BMERB1: variants seen among roughly 807,000 people sequenced by gnomAD.
The protein encoded by BMERB1 is bMERB domain-containing protein 1.
BMERB1 carries 12 observed loss-of-function variants against 23.6 expected under a neutral mutation model. The observed-to-expected ratio is 0.51, with a 90% CI of 0.33 to 0.82. The LOEUF (loss-of-function observed/expected upper bound fraction) is 0.82. Ranked by LOEUF, BMERB1 falls within the 40% of genes least tolerant of loss-of-function variation. BMERB1 has a pLI of 0.03. For synonymous variants in BMERB1, 122 were observed against 96.6 expected (o/e 1.26, Z -1.54); for missense variants, 247 against 255.4 (o/e 0.97, Z 0.22).
At chr16:15,448,507 T>C (rs2051010858) in intron 1 of BMERB1, among the ~76,000 whole-genome samples, 1 of 152,154 alleles carries the variant, frequency 6.6e-6, no homozygotes, top group Admixed American at 6.6e-5. Flanking sequence ...GTTAAAAATA[T>C]CAGCATCCAG....
At position 15,581,326 on chromosome 16, in the gene BMERB1, G is replaced by A. The variant is rs750705222; in HGVS notation, c.414G>A (p.Arg138=). 2.5e-6 allele frequency: 4 copies of A among 1,613,322 alleles called. No individual in the cohort carries two copies. Among genetic ancestry groups the A allele is most frequent in the South Asian group, 1.1e-5 (1 of 90,920 alleles). Residue 138 remains arginine (R), a synonymous_variant, in exon 4 of 6, where the codon CGG becomes CGA. Transcript: ENST00000300006. The part of the protein sequence containing the change: ...DFLVDDAEVE[R]LREQEEDKEM... ...TGGTGGACGATGCGGAGGTCGAGCG[G>A]TTAAGGTGAGTGCACTGCGGGTACC...
At position 15,434,775 on chromosome 16, in the gene BMERB1, G is replaced by C; in HGVS notation, c.106+16G>C. 1.9e-6 allele frequency: 1 copy of C among 531,494 alleles called. No homozygotes were observed. Among genetic ancestry groups the C allele is most frequent in the South Asian group, 1.7e-5 (1 of 58,342 alleles). The allele number at this position is 531,494 out of a possible 1,614,324, so 32.9% of individuals were successfully genotyped here. On this transcript the variant is annotated intron_variant, in intron 1 of 5. Transcript: ENST00000300006. ...CTGGGGAGAAGTGAGTACTGGGGCGGGGGGCGGGGGGCCGGGGACAGCTGG... is the reference window on the plus strand; with the variant it reads ...CTGGGGAGAAGTGAGTACTGGGGCGCGGGGCGGGGGGCCGGGGACAGCTGG...
At chr16:15,437,607 C>G (rs549753508) in intron 1 of BMERB1, among the ~76,000 whole-genome samples, 5 of 152,120 alleles carry the variant, frequency 3.3e-5, no homozygotes, top group African/African-American at 1.2e-4. Context: ...ACCCAATTTA[C>G]AGCAGTTTCA....
At chr16:15,521,149 G>C (rs149497483) in intron 2 of BMERB1, among the ~76,000 whole-genome samples, 1 of 152,304 alleles carries the variant, frequency 6.6e-6, no homozygotes, top group South Asian at 2.1e-4. Flanking sequence ...GCTGCAGCAC[G>C]CAATTAAAAT....
intron 2 of BMERB1, among the ~76,000 whole-genome samples, chr16:15,541,599 A>ATTT (rs962962059): frequency 1.1e-4 from 10 of 87,878 alleles, no homozygotes; most frequent in African/African-American, 3.9e-4. Flanking sequence ...CTAATTTTTA[A>ATTT]TTTTTTTTTT....
chr16:15,556,012 T>G (rs772755548), intron 2 of BMERB1, among the ~76,000 whole-genome samples: 13 of 152,024 alleles, frequency 8.6e-5, no homozygotes, highest in Non-Finnish European at 1.6e-4. Flanking sequence ...AAATCCCCTC[T>G]CTACCAAAAT....
chr16:15,461,977 A>C (rs1052348927), intron 1 of BMERB1, among the ~76,000 whole-genome samples: 3 of 151,962 alleles, frequency 2.0e-5, no homozygotes. Context: ...AACAACAAAC[A>C]AAAAACTCCC....
At chr16:15,502,161 T>C (rs1441569652) in intron 1 of BMERB1, 23 of 812,672 alleles carry the variant, frequency 2.8e-5, no homozygotes, top group Non-Finnish European at 4.4e-5. Context: ...GTGCTGTTGG[T>C]GCGTCCTCCT....
At chr16:15,481,699 G>A (rs905015030) in intron 1 of BMERB1, among the ~76,000 whole-genome samples, 1 of 151,666 alleles carries the variant, frequency 6.6e-6, no homozygotes, top group Non-Finnish European at 1.5e-5. Flanking sequence ...CATATTGCTT[G>A]TGTACTTATT....
intron 3 of BMERB1, among the ~76,000 whole-genome samples, chr16:15,574,583 T>A (rs1423679849): frequency 6.6e-6 from 1 of 151,882 alleles, no homozygotes; most frequent in African/African-American, 2.4e-5. Flanking sequence ...CAATGGCGAT[T>A]TCAGTGCAGG....
At chr16:15,490,800 A>G (rs1598468520) in intron 1 of BMERB1, among the ~76,000 whole-genome samples, 3 of 152,340 alleles carry the variant, frequency 2.0e-5, no homozygotes, top group South Asian at 4.1e-4. Context: ...GTTCATCTGC[A>G]TAAGTGCAGT....
At chr16:15,514,946 G>A (rs1252573241) in intron 1 of BMERB1, among the ~76,000 whole-genome samples, 1 of 152,122 alleles carries the variant, frequency 6.6e-6, no homozygotes, top group Non-Finnish European at 1.5e-5. Flanking sequence ...GCCAGGCGAG[G>A]TGTCGGGCAC....
chr16:15,507,284 T>TTTTTG (rs897788407), intron 1 of BMERB1, among the ~76,000 whole-genome samples: 8 of 152,186 alleles, frequency 5.3e-5, no homozygotes, highest in African/African-American at 1.7e-4. Flanking sequence ...GTAGCCTTAC[T>TTTTTG]TTTTGTTTTG....
At chr16:15,578,022 C>T (rs565670006) in intron 3 of BMERB1, among the ~76,000 whole-genome samples, 15 of 152,202 alleles carry the variant, frequency 9.9e-5, no homozygotes, top group Non-Finnish European at 2.1e-4. Context: ...ACAATTTTAA[C>T]AACTGCCTGA....
At chr16:15,538,725 A>G (rs2052051242) in intron 2 of BMERB1, among the ~76,000 whole-genome samples, 1 of 152,264 alleles carries the variant, frequency 6.6e-6, no homozygotes, top group South Asian at 2.1e-4. Flanking sequence ...GAGCCCTCTC[A>G]CCATCTGTTG....
At chr16:15,447,819 G>A (rs1449521376) in intron 1 of BMERB1, 3 of 455,598 alleles carry the variant, frequency 6.6e-6, no homozygotes, top group Non-Finnish European at 1.3e-5. Context: ...CTAGACTTTG[G>A]TGGATTAAAA....
At chr16:15,482,669 G>A (rs2051332096) in intron 1 of BMERB1, among the ~76,000 whole-genome samples, 1 of 152,142 alleles carries the variant, frequency 6.6e-6, no homozygotes, top group South Asian at 2.1e-4. Context: ...AAAGCAAGGC[G>A]ACTTCTGGGG....
intron 1 of BMERB1, among the ~76,000 whole-genome samples, chr16:15,456,322 C>T (rs1370537600): frequency 1.1e-4 from 17 of 151,400 alleles, no homozygotes; most frequent in Admixed American, 1.1e-3. Flanking sequence ...GTCAGTAATA[C>T]AGCATTATCT....
At chr16:15,447,811 A>G in intron 1 of BMERB1, 1 of 455,470 alleles carries the variant, frequency 2.2e-6, no homozygotes, top group Non-Finnish European at 4.4e-6. Context: ...CAGGACCACT[A>G]GACTTTGGTG....
Sources: gnomAD v4.1 joint callset for allele counts (sites outside exome capture counted in the v4.1 genomes callset) on GRCh38, gnomAD v4.1.1 for gene constraint, MANE v1.5 for transcripts, NCBI Gene and HGNC (gene_info 2026-07-23, HGNC 2026-07-21) for gene names.